The following FAM222A variants were observed in gnomAD, a reference collection of about 807,000 sequenced individuals.
FAM222A encodes family with sequence similarity 222 member A.
In FAM222A, 7 loss-of-function variants were observed where a neutral mutation model predicts 25.8. The ratio of observed to expected loss-of-function variants is 0.27; its 90% CI spans 0.15 to 0.51. The LOEUF (loss-of-function observed/expected upper bound fraction) is 0.51, where lower values mean the gene tolerates loss of function less well. Among genes scored for constraint, FAM222A ranks in the 20% least tolerant of loss-of-function variants. The probability of loss-of-function intolerance (pLI) is 0.97; values close to 1 mark genes in which losing one functional copy is unlikely to be tolerated. For synonymous variants in FAM222A, 294 were observed against 298.8 expected (o/e 0.98, Z 0.17); for missense variants, 573 against 640.5 (o/e 0.89, Z 1.14).
At chr12:109,744,921 G>C (rs1372178239) in intron 2 of FAM222A, 1 of 397,872 alleles carries the variant, frequency 2.5e-6, no homozygotes, top group African/African-American at 2.2e-5. Context: ...TTAAAGGGAT[G>C]TCTGTCTCCA....
At chr12:109,719,066 C>T (rs1887701134) in intron 1 of FAM222A, among the ~76,000 whole-genome samples, 1 of 152,194 alleles carries the variant, frequency 6.6e-6, no homozygotes, top group Non-Finnish European at 1.5e-5. Flanking sequence ...GGGCGACCTG[C>T]CCAGACCACA....
intron 2 of FAM222A, among the ~76,000 whole-genome samples, chr12:109,756,069 T>G (rs1427828542): frequency 6.6e-6 from 1 of 152,260 alleles, no homozygotes; most frequent in Non-Finnish European, 1.5e-5. Flanking sequence ...CATCTTATTA[T>G]TGTCTTCCAA....
At chr12:109,715,189 A>G (rs527279567) in intron 1 of FAM222A, among the ~76,000 whole-genome samples, 1 of 151,682 alleles carries the variant, frequency 6.6e-6, no homozygotes, top group Admixed American at 6.5e-5. Flanking sequence ...TCATCCGAAA[A>G]TTCCCCGGGA....
chr12:109,737,072 T>G (rs1194105812), intron 1 of FAM222A, among the ~76,000 whole-genome samples: 1 of 151,956 alleles, frequency 6.6e-6, no homozygotes, highest in Admixed American at 6.5e-5. Context: ...CATCAAACAT[T>G]TATTATGTAC....
chr12:109,768,159 GCA>G lies in FAM222A; in HGVS notation c.233_234del (p.Thr78SerfsTer5). 1 of 1,613,768 alleles carries G rather than the reference GCA, an allele frequency of 6.2e-7. No homozygotes were observed. The highest frequency in any genetic ancestry group is 1.1e-5 in the South Asian group (1 of 91,066). On this transcript the variant is annotated frameshift_variant, in exon 3 of 3. Coordinates refer to ENST00000538780, the MANE Select transcript of FAM222A (RefSeq NM_032829.3). LOFTEE classifies it high-confidence loss of function. ...GTGCCCCAGCACAAGCACCTCAGCC[GCA>G]CAGTCAATGGCTATGACACCAGTGG... is the stretch of plus-strand genomic sequence containing the variant.
chr12:109,743,093 C>T (rs915599716), intron 1 of FAM222A, among the ~76,000 whole-genome samples: 4 of 152,056 alleles, frequency 2.6e-5, no homozygotes, highest in Admixed American at 6.5e-5. Context: ...ACAGGGTGCC[C>T]GGGAAGATGG....
chr12:109,764,390 G>A (rs1407808246), intron 2 of FAM222A, among the ~76,000 whole-genome samples: 1 of 152,106 alleles, frequency 6.6e-6, no homozygotes. Context: ...CAGTGAATGG[G>A]GACTAGGAAC....
intron 2 of FAM222A, among the ~76,000 whole-genome samples, chr12:109,752,807 C>T (rs939984016): frequency 6.6e-6 from 1 of 152,166 alleles, no homozygotes; most frequent in Non-Finnish European, 1.5e-5. Context: ...TGAGGTCTGG[C>T]TGTATGCTGA....
intron 2 of FAM222A, among the ~76,000 whole-genome samples, chr12:109,760,428 G>A (rs1299460505): frequency 6.6e-6 from 1 of 152,190 alleles, no homozygotes; most frequent in Non-Finnish European, 1.5e-5. Context: ...GTGACTGAGA[G>A]CAGGAGCCAG....
At chr12:109,742,142 A>G (rs762954921) in intron 1 of FAM222A, 6 of 152,350 alleles carry the variant, frequency 3.9e-5, no homozygotes, top group Non-Finnish European at 8.8e-5. Flanking sequence ...TCCATAGACC[A>G]TCCGACTGTG....
chr12:109,744,096 T>G lies in FAM222A; in HGVS notation c.-46-5T>G. On this transcript the variant is annotated splice_polypyrimidine_tract_variant and splice_region_variant and intron_variant, in intron 1 of 2. Coordinates refer to ENST00000538780, the MANE Select transcript of FAM222A (RefSeq NM_032829.3). ...GTGACAGAGCACCCCATCTTCCTCC[T>G]GCAGGGACCCAGTCGCAGAGCGCAC... The G allele has an allele frequency of 6.3e-7, 1 of 1,596,744 alleles. No individual in the cohort carries two copies. Among genetic ancestry groups the G allele is most frequent in the South Asian group, 1.1e-5 (1 of 89,808 alleles).
At chr12:109,742,987 C>T (rs1360360929) in intron 1 of FAM222A, among the ~76,000 whole-genome samples, 1 of 152,150 alleles carries the variant, frequency 6.6e-6, no homozygotes, top group Non-Finnish European at 1.5e-5. Flanking sequence ...CCTTCAACAC[C>T]CCCTCTGCTT....
chr12:109,715,678 G>A (rs1887629942), intron 1 of FAM222A, among the ~76,000 whole-genome samples: 1 of 152,192 alleles, frequency 6.6e-6, no homozygotes, highest in Non-Finnish European at 1.5e-5. Context: ...CCCTGTTGAT[G>A]CTCCTCCCCG....
At chr12:109,754,316 C>T (rs1888647622) in intron 2 of FAM222A, among the ~76,000 whole-genome samples, 1 of 152,076 alleles carries the variant, frequency 6.6e-6, no homozygotes, top group Non-Finnish European at 1.5e-5. Flanking sequence ...GTCCCAGCTA[C>T]TCAGGAGGAG....
chr12:109,731,919 G>A (rs941526766), intron 1 of FAM222A, among the ~76,000 whole-genome samples: 8 of 152,236 alleles, frequency 5.3e-5, no homozygotes, highest in African/African-American at 1.7e-4. Context: ...AGCATCTACT[G>A]TATGTCTGGC....
chr12:109,746,001 A>C (rs1888390462), intron 2 of FAM222A, among the ~76,000 whole-genome samples: 1 of 152,052 alleles, frequency 6.6e-6, no homozygotes, highest in African/African-American at 2.4e-5. Context: ...CTGTGCTATG[A>C]ATTGAAGACA....
chr12:109,730,971 C>T (rs1021485167), intron 1 of FAM222A, among the ~76,000 whole-genome samples: 11 of 152,124 alleles, frequency 7.2e-5, no homozygotes, highest in African/African-American at 2.2e-4. Context: ...TGCATGTGTT[C>T]ATCACCGGCT....
At chr12:109,748,840 T>G (rs1888478674) in intron 2 of FAM222A, among the ~76,000 whole-genome samples, 1 of 152,162 alleles carries the variant, frequency 6.6e-6, no homozygotes, top group African/African-American at 2.4e-5. Flanking sequence ...ATTATTCTTT[T>G]CTGGTTTCTA....
At chr12:109,740,831 A>G (rs777602583) in intron 1 of FAM222A, among the ~76,000 whole-genome samples, 2 of 152,228 alleles carry the variant, frequency 1.3e-5, no homozygotes, top group African/African-American at 2.4e-5. Context: ...AAAATTGGCA[A>G]TTACACCTTG....
Sources: gnomAD v4.1 joint callset for allele counts (sites outside exome capture counted in the v4.1 genomes callset) on GRCh38, gnomAD v4.1.1 for gene constraint, MANE v1.5 for transcripts, NCBI Gene and HGNC (gene_info 2026-07-23, HGNC 2026-07-21) for gene names.